Variants in ENOX1 observed in about 807,000 individuals in gnomAD.
ENOX1 encodes candidate growth-related and time keeping constitutive hydroquinone (NADH) oxidase.
A neutral mutation model predicts 82.5 loss-of-function variants in ENOX1; 42 were observed. The ratio of observed to expected loss-of-function variants is 0.51; its 90% CI spans 0.40 to 0.66. The LOEUF (loss-of-function observed/expected upper bound fraction) is 0.66. Ranked by LOEUF, ENOX1 falls within the 30% of genes least tolerant of loss-of-function variation. The pLI, the probability that ENOX1 is intolerant of heterozygous loss-of-function variation, is 0.00. For synonymous variants in ENOX1, 271 were observed against 282.2 expected, an observed-to-expected ratio of 0.96 and a Z score of 0.40; for missense variants, 608 against 811.6, an observed-to-expected ratio of 0.75 and a Z score of 3.05.
At chr13:43,239,611 A>G (rs999873776) in intron 14 of ENOX1, among the ~76,000 whole-genome samples, 2 of 152,216 alleles carry the variant, frequency 1.3e-5, no homozygotes. Context: ...CACTCAAAAG[A>G]GTCACTACTG....
At chr13:43,753,761 T>C (rs1007315472) in intron 1 of ENOX1, among the ~76,000 whole-genome samples, 9 of 152,240 alleles carry the variant, frequency 5.9e-5, no homozygotes, top group African/African-American at 2.2e-4. Context: ...GTAGTATCTA[T>C]GGTTTTTCCT....
At chr13:43,538,215 A>G (rs1245647596) in intron 2 of ENOX1, among the ~76,000 whole-genome samples, 1 of 152,192 alleles carries the variant, frequency 6.6e-6, no homozygotes, top group African/African-American at 2.4e-5. Flanking sequence ...CCTCCCATAA[A>G]ATATTTCCTT....
In ENOX1 at chr13:43,269,520, T is replaced by C; in HGVS notation, c.1504A>G (p.Lys502Glu). Reference protein sequence around the residue: ...NNKKSELEQAKEEQSHTQALL... With the variant: ...NNKKSELEQAEEEQSHTQALL... ...GCTTGTGTATGGGACTGCTCTTCCT[T>C]TGCTTGTTCCAATTCTGACTTTTTG... The change falls in exon 13 of 17, where the codon AAG becomes GAG. Residue 502 changes from lysine (K) to glutamate (E), a missense_variant. Coordinates refer to ENST00000690772, the MANE Select transcript of ENOX1 (RefSeq NM_001347969.2). 2 of 1,614,036 alleles carry C rather than the reference T, an allele frequency of 1.2e-6. No homozygotes were observed. Among genetic ancestry groups the C allele is most frequent in the Middle Eastern group, 1.7e-4 (1 of 6,058 alleles).
chr13:43,779,733 C>T (rs1952141279), intron 1 of ENOX1, among the ~76,000 whole-genome samples: 2 of 152,204 alleles, frequency 1.3e-5, no homozygotes, highest in Non-Finnish European at 2.9e-5. Context: ...CCAGGTCCTC[C>T]ATGGTCTGTG....
intron 3 of ENOX1, among the ~76,000 whole-genome samples, chr13:43,421,344 G>A (rs1457131398): frequency 2.6e-5 from 4 of 152,150 alleles, no homozygotes; most frequent in South Asian, 2.1e-4. Flanking sequence ...CTCAAATGAC[G>A]ATGGTTTAAT....
intron 2 of ENOX1, among the ~76,000 whole-genome samples, chr13:43,553,990 C>A (rs1434385640): frequency 6.6e-6 from 1 of 152,140 alleles, no homozygotes; most frequent in Non-Finnish European, 1.5e-5. Flanking sequence ...TTCAAGTGAT[C>A]CACACACCTT....
In ENOX1 at chr13:43,489,997, G is replaced by A. The variant is rs191078504; in HGVS notation, c.-218-5845C>T. Reference sequence around the variant, plus strand: ...TCTGTCACGCAGGCTGGAATGCAGTGGCATGACGTCGGCTCACCACAACCT... The same window carrying A: ...TCTGTCACGCAGGCTGGAATGCAGTAGCATGACGTCGGCTCACCACAACCT... On this transcript the variant is annotated intron_variant, in intron 2 of 16. Transcript: ENST00000690772. Among the ~76,000 whole-genome samples, 42 of 152,272 alleles carry A rather than the reference G, an allele frequency of 2.8e-4. No homozygotes were observed. The Middle Eastern group carries it at 0.01, about 37-fold the overall frequency.
chr13:43,437,760 T>C (rs2056120748), intron 3 of ENOX1, among the ~76,000 whole-genome samples: 2 of 152,230 alleles, frequency 1.3e-5, no homozygotes, highest in Non-Finnish European at 2.9e-5. Flanking sequence ...TAACTTCCAC[T>C]GTGTGCAGCA....
chr13:43,472,768 G>A (rs1189098362), intron 3 of ENOX1, among the ~76,000 whole-genome samples: 3 of 152,192 alleles, frequency 2.0e-5, no homozygotes, highest in Admixed American at 2.0e-4. Flanking sequence ...CAAGTTCTAT[G>A]AAGGTCTTCC....
intron 1 of ENOX1, among the ~76,000 whole-genome samples, chr13:43,752,588 TATGG>T (rs1317183437): frequency 1.3e-4 from 20 of 152,216 alleles, no homozygotes; most frequent in African/African-American, 4.3e-4. Context: ...ATTTTTTGCT[TATGG>T]ATATCTTGTT....
At chr13:43,515,410 T>G (rs959611234) in intron 2 of ENOX1, among the ~76,000 whole-genome samples, 3 of 152,168 alleles carry the variant, frequency 2.0e-5, no homozygotes, top group Non-Finnish European at 4.4e-5. Flanking sequence ...TCCTAAACTT[T>G]GGAGTATCCG....
intron 1 of ENOX1, among the ~76,000 whole-genome samples, chr13:43,768,365 G>T (rs1951404479): frequency 6.6e-6 from 1 of 152,136 alleles, no homozygotes; most frequent in South Asian, 2.1e-4. Context: ...ATTTTGAGAG[G>T]CTGAGTCAGG....
At chr13:43,349,313 T>A (rs1473387857) in intron 8 of ENOX1, among the ~76,000 whole-genome samples, 1 of 152,214 alleles carries the variant, frequency 6.6e-6, no homozygotes, top group Non-Finnish European at 1.5e-5. Flanking sequence ...CCCTCTGCAG[T>A]GAGGCACTAA....
At chr13:43,404,904 T>C (rs1296286297) in intron 5 of ENOX1, among the ~76,000 whole-genome samples, 2 of 152,316 alleles carry the variant, frequency 1.3e-5, no homozygotes, top group East Asian at 3.9e-4. Flanking sequence ...GTGAGAAATC[T>C]TTCAACAAGA....
At chr13:43,773,455 T>C (rs560875820) in intron 1 of ENOX1, among the ~76,000 whole-genome samples, 3 of 152,338 alleles carry the variant, frequency 2.0e-5, no homozygotes, top group African/African-American at 4.8e-5. Context: ...AGGTCCAGCA[T>C]AATTGGGTCC....
chr13:43,673,608 T>C (rs1343140891), intron 1 of ENOX1, among the ~76,000 whole-genome samples: 1 of 152,216 alleles, frequency 6.6e-6, no homozygotes, highest in African/African-American at 2.4e-5. Flanking sequence ...AGTAATGAAA[T>C]TGAGGCCTCT....
chr13:43,541,815 C>A (rs777976813), intron 2 of ENOX1, among the ~76,000 whole-genome samples: 7 of 152,090 alleles, frequency 4.6e-5, no homozygotes, highest in African/African-American at 1.7e-4. Flanking sequence ...CATTATTGGG[C>A]CTGCATTCCA....
At chr13:43,494,030 G>T in intron 2 of ENOX1, among the ~76,000 whole-genome samples, 1 of 152,100 alleles carries the variant, frequency 6.6e-6, no homozygotes, top group Non-Finnish European at 1.5e-5. Flanking sequence ...AAAACCATCA[G>T]ATCTCGTGAG....
chr13:43,425,195 G>C (rs1464119646), intron 3 of ENOX1, among the ~76,000 whole-genome samples: 1 of 152,028 alleles, frequency 6.6e-6, no homozygotes, highest in East Asian at 1.9e-4. Flanking sequence ...TGGAGGTCAG[G>C]CATCATCAAA....
Sources: allele counts gnomAD v4.1 joint callset (sites outside exome capture counted in the v4.1 genomes callset), GRCh38; gene constraint gnomAD v4.1.1; transcripts MANE v1.5; gene names NCBI Gene and HGNC (gene_info 2026-07-23, HGNC 2026-07-21).